The following ELMO1 variants were observed in gnomAD, a reference collection of about 807,000 sequenced individuals.
The protein encoded by ELMO1 is engulfment and cell motility 1.
ELMO1 carries 26 observed loss-of-function variants against 98.9 expected under a neutral mutation model. The ratio of observed to expected loss-of-function variants is 0.26; its 90% CI spans 0.19 to 0.36. ELMO1 has a LOEUF of 0.36. Among genes scored for constraint, ELMO1 ranks in the 10% least tolerant of loss-of-function variants. The pLI, the probability that ELMO1 is intolerant of heterozygous loss-of-function variation, is 1.00. For synonymous variants in ELMO1, 346 were observed against 346.0 expected, an observed-to-expected ratio of 1.00 and a Z score of 0.00; for missense variants, 627 against 935.2, an observed-to-expected ratio of 0.67 and a Z score of 4.30.
At chr7:37,142,651 T>C (rs928558134) in intron 13 of ELMO1, among the ~76,000 whole-genome samples, 1 of 152,224 alleles carries the variant, frequency 6.6e-6, no homozygotes, top group Middle Eastern at 3.2e-3. Context: ...GAGAAAACTG[T>C]ATTTAAGAAA....
chr7:36,965,549 A>G (rs1239304762), intron 16 of ELMO1, among the ~76,000 whole-genome samples: 3 of 152,118 alleles, frequency 2.0e-5, no homozygotes, highest in Non-Finnish European at 4.4e-5. Flanking sequence ...TGGGTTTTAT[A>G]TGTAGGGTTC....
chr7:37,353,880 GCCCAGTCGGC>G (rs1801386468), intron 1 of ELMO1, among the ~76,000 whole-genome samples: 1 of 152,170 alleles, frequency 6.6e-6, no homozygotes, highest in Non-Finnish European at 1.5e-5. Flanking sequence ...CAACCCAGAA[GCCCAGTCGGC>G]TCCACCTCTC....
chr7:37,181,645 A>G (rs1790866187), intron 13 of ELMO1, among the ~76,000 whole-genome samples: 1 of 152,192 alleles, frequency 6.6e-6, no homozygotes, highest in South Asian at 2.1e-4. Context: ...TCAAAAAAAG[A>G]AAGCAGGAAT....
At chr7:37,336,760 G>C (rs1229338872) in intron 2 of ELMO1, among the ~76,000 whole-genome samples, 2 of 152,166 alleles carry the variant, frequency 1.3e-5, no homozygotes, top group East Asian at 1.9e-4. Context: ...GGGGAGCCCT[G>C]TAGAGAGGTA....
At chr7:37,204,680 T>C (rs1369604101) in intron 13 of ELMO1, among the ~76,000 whole-genome samples, 4 of 152,250 alleles carry the variant, frequency 2.6e-5, no homozygotes, top group African/African-American at 9.6e-5. Context: ...GAGAGCGCAT[T>C]GGTCCATTTT....
chr7:37,113,964 T>C (rs1162104575), intron 14 of ELMO1, among the ~76,000 whole-genome samples: 1 of 152,180 alleles, frequency 6.6e-6, no homozygotes, highest in Admixed American at 6.5e-5. Context: ...TTCTGTAGTT[T>C]AAGCCACCCA....
intron 16 of ELMO1, chr7:36,984,880 C>T (rs1584478268): frequency 5.1e-6 from 5 of 982,620 alleles, no homozygotes; most frequent in Non-Finnish European, 6.0e-6. Context: ...CCAACTTCAG[C>T]CCCCACTCTC....
At chr7:37,262,915 C>T (rs1796047558) in intron 5 of ELMO1, among the ~76,000 whole-genome samples, 2 of 152,162 alleles carry the variant, frequency 1.3e-5, no homozygotes, top group Non-Finnish European at 2.9e-5. Flanking sequence ...GGTTCCCTTC[C>T]ACCCACAGTG....
chr7:37,378,717 C>A (rs1040509313), intron 1 of ELMO1, among the ~76,000 whole-genome samples: 1 of 152,136 alleles, frequency 6.6e-6, no homozygotes, highest in African/African-American at 2.4e-5. Flanking sequence ...GAAAATGGTA[C>A]CTCTGTTCAA....
intron 4 of ELMO1, among the ~76,000 whole-genome samples, chr7:37,310,708 T>C (rs1401535283): frequency 6.6e-6 from 1 of 152,148 alleles, no homozygotes; most frequent in Non-Finnish European, 1.5e-5. Context: ...CATAAACAAA[T>C]TGGGGCTGAG....
chr7:37,191,800 C>T (rs1207923545), intron 13 of ELMO1, among the ~76,000 whole-genome samples: 1 of 152,100 alleles, frequency 6.6e-6, no homozygotes, highest in Admixed American at 6.5e-5. Flanking sequence ...AACCTGTAAT[C>T]CCAGCTACTC....
Position 37,246,797 on chromosome 7 carries a change from CAGAT to C in ELMO1, c.414-2410_414-2407del, listed in dbSNP as rs113340207. On this transcript the variant is annotated intron_variant, in intron 6 of 21. Transcript: ENST00000310758. Reference sequence around the variant, plus strand: ...ACAGATAGATAGATAGATAAACAGACAGATAGATAGATAGATATCTATCTATATA... The same window carrying C: ...ACAGATAGATAGATAGATAAACAGACAGATAGATAGATATCTATCTATATA... Among the ~76,000 whole-genome samples the C allele has an allele frequency of 2.3e-3, 342 of 147,292 alleles. 2 individuals are homozygous for C. Among genetic ancestry groups the C allele is most frequent in the Middle Eastern group, 0.01 (3 of 294 alleles).
At chr7:37,250,961 C>A (rs528762475) in intron 6 of ELMO1, among the ~76,000 whole-genome samples, 2 of 152,128 alleles carry the variant, frequency 1.3e-5, no homozygotes, top group South Asian at 4.2e-4. Context: ...CTATAAGTAC[C>A]CTGCCCTTTC....
rs111236745 is a variant in ELMO1 at position 37,390,465 on chromosome 7, T to C, written c.-73-47702A>G. 3.2e-3 allele frequency among the ~76,000 whole-genome samples: 489 copies of C among 152,206 alleles called. 6 individuals are homozygous for C. Among genetic ancestry groups the C allele is most frequent in the Middle Eastern group, 0.01 (3 of 294 alleles). On this transcript the variant is annotated intron_variant, in intron 1 of 21. Transcript: ENST00000310758. ...TCTTATTACACTCTGCCTTTTTTTT[T>C]TCTTCTGACTCCCAGACGCACAGAG... is the stretch of plus-strand genomic sequence containing the variant.
At chr7:37,315,828 T>G in intron 3 of ELMO1, 92 bp downstream of exon 3, 2 of 1,157,592 alleles carry the variant, frequency 1.7e-6, no homozygotes, top group Non-Finnish European at 2.5e-6. Flanking sequence ...GGGTGACTTA[T>G]GAATAATATT....
At chr7:37,361,271 C>T (rs550815553) in intron 1 of ELMO1, among the ~76,000 whole-genome samples, 2 of 152,264 alleles carry the variant, frequency 1.3e-5, no homozygotes, top group South Asian at 2.1e-4. Flanking sequence ...ATAAACAAAA[C>T]GTCATCCATA....
intron 1 of ELMO1, among the ~76,000 whole-genome samples, chr7:37,442,116 T>C (rs1805436793): frequency 6.6e-6 from 1 of 152,166 alleles, no homozygotes; most frequent in African/African-American, 2.4e-5. Context: ...ACGACTAATG[T>C]ACTGGCATTA....
intron 15 of ELMO1, among the ~76,000 whole-genome samples, chr7:37,088,873 T>C (rs898127398): frequency 1.3e-5 from 2 of 152,226 alleles, no homozygotes; most frequent in Non-Finnish European, 2.9e-5. Flanking sequence ...AGAACATTTG[T>C]TTTTGTTTTA....
At position 37,425,093 on chromosome 7, in the gene ELMO1, A is replaced by T. The variant is rs150285521; in HGVS notation, c.-74+23582T>A. Among the ~76,000 whole-genome samples the T allele has an allele frequency of 5.2e-3, 792 of 152,256 alleles. 9 individuals are homozygous for T. Among genetic ancestry groups the T allele is most frequent in the African/African-American group, 0.018 (749 of 41,558 alleles). On this transcript the variant is annotated intron_variant, in intron 1 of 21. Transcript: ENST00000310758. ...CATAGATTTATGGTTTTCTTAGTCA[A>T]TTCAGGATGCTCTAACAAAGTACCA...
Sources: gnomAD v4.1 joint callset for allele counts (sites outside exome capture counted in the v4.1 genomes callset) on GRCh38, gnomAD v4.1.1 for gene constraint, MANE v1.5 for transcripts, NCBI Gene and HGNC (gene_info 2026-07-23, HGNC 2026-07-21) for gene names.